Variants in MS4A8 observed in about 807,000 individuals in gnomAD.
MS4A8 encodes membrane spanning 4-domains A8.
In MS4A8, 27 loss-of-function variants were observed where a neutral mutation model predicts 23.7. The observed-to-expected ratio is 1.14, with a 90% CI of 0.84 to 1.57. MS4A8 has a LOEUF of 1.57. MS4A8 is among the 40% of genes most tolerant of loss of function. The pLI is 0.00. For missense variants in MS4A8, 301 were observed against 311.4 expected (o/e 0.97, Z 0.25); for synonymous variants, 138 against 126.3 (o/e 1.09, Z -0.62).
intron 2 of MS4A8, among the ~76,000 whole-genome samples, chr11:60,701,707 C>T (rs2088206123): frequency 1.3e-5 from 2 of 152,192 alleles, no homozygotes; most frequent in Non-Finnish European, 1.5e-5. Flanking sequence ...TCCAATAATT[C>T]CATTGCTGGA....
chr11:60,708,748 C>T lies in MS4A8; in HGVS notation c.501C>T (p.Ala167=), dbSNP rs1319513552. ...ITDLSIPHPY[A]YPDYYPYAWG... ...ATCTAAGTATTCCCCACCCATATGCCTACCCCGACTATTATCCTTACGCCT... is the reference window on the plus strand; with the variant it reads ...ATCTAAGTATTCCCCACCCATATGCTTACCCCGACTATTATCCTTACGCCT... The change falls in exon 5 of 7, where the codon GCC becomes GCT. Residue 167 remains alanine, a synonymous_variant. Coordinates refer to ENST00000300226, the MANE Select transcript of MS4A8 (RefSeq NM_031457.2). The T allele has an allele frequency of 6.2e-7, 1 of 1,614,010 alleles. No individual in the cohort carries two copies. The highest frequency in any genetic ancestry group is 1.1e-5 in the South Asian group (1 of 91,050).
At chr11:60,708,875 T>C in intron 5 of MS4A8, 94 bp downstream of exon 5, 2 of 1,474,924 alleles carry the variant, frequency 1.4e-6, no homozygotes, top group Non-Finnish European at 9.5e-7. Flanking sequence ...GCTACCTCAC[T>C]GAACATGGTA....
Position 60,707,057 on chromosome 11 carries a change from A to G in MS4A8, c.402+10A>G. 2 of 1,611,958 alleles carry G rather than the reference A, an allele frequency of 1.2e-6. No individual in the cohort carries two copies. The highest frequency in any genetic ancestry group is 8.5e-7 in the Non-Finnish European group (1 of 1,178,018). ...ATATTCTTATTGCCTGGTAAGTTAC[A>G]TTCTGAGACCAGCTCTTCCAACTGG... On this transcript the variant is annotated intron_variant, in intron 4 of 6. Coordinates refer to ENST00000300226, the MANE Select transcript of MS4A8 (RefSeq NM_031457.2).
intron 4 of MS4A8, among the ~76,000 whole-genome samples, chr11:60,707,607 A>C (rs1009107553): frequency 2.0e-5 from 3 of 152,182 alleles, no homozygotes; most frequent in Non-Finnish European, 4.4e-5. Flanking sequence ...AAGGGTGACC[A>C]GGTCCCTACA....
At chr11:60,707,986 T>C (rs1180683949) in intron 4 of MS4A8, among the ~76,000 whole-genome samples, 2 of 151,682 alleles carry the variant, frequency 1.3e-5, no homozygotes, top group Non-Finnish European at 2.9e-5. Context: ...CACACCACCA[T>C]GCCCAGCTAA....
chr11:60,715,746 T>C lies in MS4A8; in HGVS notation c.*332T>C, dbSNP rs1440397163. The C allele has an allele frequency of 9.6e-6, 3 of 310,994 alleles. No individual in the cohort carries two copies. The Admixed American group carries it at 1.4e-4, about 15-fold the overall frequency. 19.3% of individuals were successfully genotyped at this position (310,994 alleles called of 1,614,324 possible). ...AGCTTGTGGGTTAGAGGAACAAATA[T>C]CTAGACATTCAATCTTCACTCTTTC... On this transcript the variant is annotated 3_prime_UTR_variant, in exon 7 of 7. Transcript: ENST00000300226.
At chr11:60,709,025 C>T in intron 5 of MS4A8, 1 of 437,528 alleles carries the variant, frequency 2.3e-6, no homozygotes. Context: ...GAATTAAATG[C>T]AATTTTACAA....
chr11:60,714,959 T>G, intron 5 of MS4A8, 62 bp from the exon 6 acceptor site: 20 of 1,160,322 alleles, frequency 1.7e-5, no homozygotes, highest in Non-Finnish European at 2.3e-5. Context: ...AGGGCCCCAG[T>G]GAGAGGTCAG....
chr11:60,713,382 A>G (rs1022236810), intron 5 of MS4A8, among the ~76,000 whole-genome samples: 2 of 147,324 alleles, frequency 1.4e-5, no homozygotes, highest in African/African-American at 2.7e-5. Flanking sequence ...ATTATTGGGC[A>G]TGGGTAATAG....
chr11:60,714,917 G>A (rs529992650), intron 5 of MS4A8, 104 bp from the exon 6 acceptor site: 3 of 791,628 alleles, frequency 3.8e-6, no homozygotes, highest in African/African-American at 3.4e-5. Context: ...AGAGGATAGG[G>A]GACTTCCGCA....
Position 60,715,075 on chromosome 11 carries a change from GGCATCGCATGC to G in MS4A8, c.595_605del (p.Ala199PhefsTer43). On this transcript the variant is annotated frameshift_variant, in exon 6 of 7. Coordinates refer to ENST00000300226, the MANE Select transcript of MS4A8 (RefSeq NM_031457.2). LOFTEE classifies it high-confidence loss of function. ...GCTGGTCTTCTGCCTCCTGGAGTTT[GGCATCGCATGC>G]GCATCTTCCCACTTTGGCTGCCAGT... 2 of 1,614,144 alleles carry G rather than the reference GGCATCGCATGC, an allele frequency of 1.2e-6. No homozygotes were observed. The highest frequency in any genetic ancestry group is 2.2e-5 in the South Asian group (2 of 91,080).
chr11:60,700,823 T>C (rs767180589), intron 1 of MS4A8, 37 bp from the exon 2 acceptor site: 2 of 1,609,654 alleles, frequency 1.2e-6, no homozygotes, highest in Non-Finnish European at 1.7e-6. Context: ...CAAGTCCATA[T>C]GTGAGGGAAA....
In MS4A8 at chr11:60,715,760, C is replaced by A. The variant is rs1025586576; in HGVS notation, c.*346C>A. On this transcript the variant is annotated 3_prime_UTR_variant, in exon 7 of 7. Transcript: ENST00000300226. ...AGGAACAAATATCTAGACATTCAAT[C>A]TTCACTCTTTCAATTGTGCATTCAT... 12 of 293,886 alleles carry A rather than the reference C, an allele frequency of 4.1e-5. No individual in the cohort carries two copies. Among genetic ancestry groups the A allele is most frequent in the African/African-American group, 2.6e-4 (12 of 45,592 alleles). 18.2% of individuals were successfully genotyped at this position (293,886 alleles called of 1,614,324 possible).
At chr11:60,712,880 A>T (rs1164362163) in intron 5 of MS4A8, among the ~76,000 whole-genome samples, 1 of 152,098 alleles carries the variant, frequency 6.6e-6, no homozygotes, top group Non-Finnish European at 1.5e-5. Flanking sequence ...AAATGTTCTC[A>T]TGTCACATAA....
intron 5 of MS4A8, chr11:60,711,927 G>A: frequency 4.5e-6 from 2 of 448,306 alleles, no homozygotes; most frequent in Non-Finnish European, 9.0e-6. Context: ...TGGAGGGTCG[G>A]ACTGCATCTG....
At chr11:60,712,495 A>C (rs936702420) in intron 5 of MS4A8, 6 of 985,186 alleles carry the variant, frequency 6.1e-6, no homozygotes, top group Non-Finnish European at 6.0e-6. Context: ...TTTAAAAATC[A>C]TAATTGAGAT....
At chr11:60,703,601 C>T (rs1019658161) in intron 3 of MS4A8, 101 bp downstream of exon 3, 82 of 1,399,930 alleles carry the variant, frequency 5.9e-5, no homozygotes, top group Non-Finnish European at 7.6e-5. Flanking sequence ...AGAAGGTTCC[C>T]AGCCACCCAA....
chr11:60,705,226 T>A (rs1424523347), intron 3 of MS4A8, among the ~76,000 whole-genome samples: 2 of 152,204 alleles, frequency 1.3e-5, no homozygotes, highest in East Asian at 3.8e-4. Context: ...TGTTCCTGTA[T>A]CTCTGACCTT....
intron 3 of MS4A8, among the ~76,000 whole-genome samples, chr11:60,706,189 A>G (rs958348048): frequency 6.6e-6 from 1 of 152,174 alleles, no homozygotes; most frequent in Non-Finnish European, 1.5e-5. Flanking sequence ...AGCCTTTTCT[A>G]AAAAAGCATT....
Sources: allele counts gnomAD v4.1 joint callset (sites outside exome capture counted in the v4.1 genomes callset), GRCh38; gene constraint gnomAD v4.1.1; transcripts MANE v1.5; gene names NCBI Gene and HGNC (gene_info 2026-07-23, HGNC 2026-07-21).